The following SPNS2 variants were observed in gnomAD, a reference collection of about 807,000 sequenced individuals.
SPNS2 encodes sphingosine-1-phosphate transporter SPNS2.
In SPNS2, 37 loss-of-function variants were observed where a neutral mutation model predicts 57.6. The ratio of observed to expected loss-of-function variants is 0.64; its 90% CI spans 0.49 to 0.85. SPNS2 has a LOEUF of 0.85. Ranked by LOEUF, SPNS2 falls within the 40% of genes least tolerant of loss-of-function variation. SPNS2 has a pLI of 0.00. For missense variants in SPNS2, 831 were observed against 779.1 expected (o/e 1.07, Z -0.79); for synonymous variants, 440 against 346.9 (o/e 1.27, Z -2.98).
At chr17:4,528,042 G>A (rs1022025380) in intron 3 of SPNS2, among the ~76,000 whole-genome samples, 1 of 150,116 alleles carries the variant, frequency 6.7e-6, no homozygotes. Context: ...TTTTTTTTTA[G>A]ACGGAGTTTC....
At chr17:4,532,940 T>C (rs912555440) in intron 6 of SPNS2, 37 bp from the exon 7 acceptor site, 11 of 1,589,506 alleles carry the variant, frequency 6.9e-6, no homozygotes, top group Admixed American at 3.4e-5. Context: ...GTGAAGGAGG[T>C]CCCTGAGCTC....
Position 4,511,273 on chromosome 17 carries a change from C to T in SPNS2, c.371-1974C>T, listed in dbSNP as rs1042130643. On this transcript the variant is annotated intron_variant, in intron 1 of 12. Coordinates refer to ENST00000329078, the MANE Select transcript of SPNS2 (RefSeq NM_001124758.3). This position sits in a 1 kb window ranked among gnomAD's most constrained non-coding sequence, Gnocchi z 4.6. ...AGCAAGCAGGGGAGATATTCCAGAA[C>T]AGGAGGCATCTGAACTGGCCTTGAA... is the stretch of plus-strand genomic sequence containing the variant. Among the ~76,000 whole-genome samples, 1 of 152,168 alleles carries T rather than the reference C, an allele frequency of 6.6e-6. No individual in the cohort carries two copies. The highest frequency in any genetic ancestry group is 2.4e-5 in the African/African-American group (1 of 41,454).
At chr17:4,522,439 G>T (rs1005615938) in intron 2 of SPNS2, among the ~76,000 whole-genome samples, 1 of 152,110 alleles carries the variant, frequency 6.6e-6, no homozygotes, top group East Asian at 1.9e-4. Context: ...AGGTCTGCTC[G>T]TACACCCACC....
intron 6 of SPNS2, 133 bp downstream of exon 6, chr17:4,532,817 A>G (rs1905554270): frequency 2.1e-6 from 3 of 1,451,864 alleles, no homozygotes; most frequent in Non-Finnish European, 2.8e-6. Context: ...TGGGAGGGAC[A>G]TTTTGGCCCC....
chr17:4,529,324 C>T (rs917168745), intron 3 of SPNS2, among the ~76,000 whole-genome samples: 1 of 152,082 alleles, frequency 6.6e-6, no homozygotes, highest in Non-Finnish European at 1.5e-5. Context: ...AAGCAATCCT[C>T]CTGCCTCAGC....
At chr17:4,528,170 G>T (rs763584459) in intron 3 of SPNS2, among the ~76,000 whole-genome samples, 2 of 151,558 alleles carry the variant, frequency 1.3e-5, no homozygotes, top group Non-Finnish European at 2.9e-5. Context: ...TTACAGGCAC[G>T]CGCCACCACA....
intron 3 of SPNS2, among the ~76,000 whole-genome samples, chr17:4,526,796 A>AG (rs1567593168): frequency 1.3e-5 from 2 of 152,032 alleles, no homozygotes; most frequent in Admixed American, 1.3e-4. Flanking sequence ...GGGACATTGG[A>AG]GGGAGGGCAG....
intron 2 of SPNS2, among the ~76,000 whole-genome samples, chr17:4,520,352 C>A (rs1905108260): frequency 6.6e-6 from 1 of 152,196 alleles, no homozygotes; most frequent in African/African-American, 2.4e-5. Context: ...AGGGCCCGTG[C>A]TTCCTGCTCC....
intron 2 of SPNS2, among the ~76,000 whole-genome samples, chr17:4,524,516 C>G (rs1234418666): frequency 6.6e-6 from 1 of 152,172 alleles, no homozygotes; most frequent in African/African-American, 2.4e-5. Flanking sequence ...AAAACCCCAT[C>G]TCTACTAAAA....
At chr17:4,509,656 T>C (rs1377339529) in intron 1 of SPNS2, among the ~76,000 whole-genome samples, 2 of 152,248 alleles carry the variant, frequency 1.3e-5, no homozygotes, top group Non-Finnish European at 2.9e-5. Context: ...AGAGAGACTG[T>C]TGGCCCAGAG....
intron 3 of SPNS2, among the ~76,000 whole-genome samples, chr17:4,526,388 A>C (rs887939089): frequency 6.6e-6 from 1 of 152,144 alleles, no homozygotes; most frequent in Non-Finnish European, 1.5e-5. Flanking sequence ...GGATCCCCTG[A>C]GGTCAGGAGT....
chr17:4,513,339 C>T (rs779916648), intron 2 of SPNS2, 27 bp downstream of exon 2: 7 of 1,612,476 alleles, frequency 4.3e-6, no homozygotes, highest in African/African-American at 2.7e-5. Flanking sequence ...ACCTTCCCCC[C>T]CACGCCCAGG....
chr17:4,536,349 C>T lies in SPNS2; in HGVS notation c.1530C>T (p.Phe510=), dbSNP rs190884571. 461 of 1,611,086 alleles carry T rather than the reference C, an allele frequency of 2.9e-4. No homozygotes were observed. Among genetic ancestry groups the T allele is most frequent in the Non-Finnish European group, 3.7e-4 (439 of 1,179,940 alleles). The change falls in exon 11 of 13, where the codon TTC becomes TTT. Residue 510 remains phenylalanine (F), a synonymous_variant. Coordinates refer to ENST00000329078, the MANE Select transcript of SPNS2 (RefSeq NM_001124758.3). ...SLGYALMLCP[F]VVVLGGMFFL... is the part of the protein sequence containing the mutation. Reference sequence around the variant, plus strand: ...GCTACGCGCTCATGCTCTGCCCTTTCGTCGTGGTCCTGGGCGGCATGTTCT... The same window carrying T: ...GCTACGCGCTCATGCTCTGCCCTTTTGTCGTGGTCCTGGGCGGCATGTTCT...
In SPNS2 at chr17:4,510,937, C is replaced by A. The variant is rs535240165; in HGVS notation, c.371-2310C>A. Among the ~76,000 whole-genome samples the A allele has an allele frequency of 3.9e-5, 6 of 152,358 alleles. No homozygotes were observed. In the East Asian group the frequency reaches 9.6e-4, roughly 24 times the overall value. On this transcript the variant is annotated intron_variant, in intron 1 of 12. Transcript: ENST00000329078. The surrounding 1 kb of genome is among the most constrained non-coding windows in gnomAD (Gnocchi z 4.4). ...CTCGTTTCAGATCTCACCTCCAAAACAGAATGTACTGTGTGACAAATTACT... is the reference window on the plus strand; with the variant it reads ...CTCGTTTCAGATCTCACCTCCAAAAAAGAATGTACTGTGTGACAAATTACT...
rs72830095 is a variant in SPNS2, at chr17:4,532,260, C to T, written c.793-282C>T. 9.1e-3 allele frequency among the ~76,000 whole-genome samples: 1,387 copies of T among 152,282 alleles called. 13 individuals carry two copies. Among genetic ancestry groups the T allele is most frequent in the Middle Eastern group, 0.02 (6 of 294 alleles). On this transcript the variant is annotated intron_variant, in intron 5 of 12. Transcript: ENST00000329078. ...TTCTCTATCTATCCACCCACTGCTCCACTCACCCACCCCTCCTTCTTCCTT... is the reference window on the plus strand; with the variant it reads ...TTCTCTATCTATCCACCCACTGCTCTACTCACCCACCCCTCCTTCTTCCTT...
chr17:4,499,323 C>T lies in SPNS2; in HGVS notation c.276C>T (p.Pro92=). Residue 92 remains proline, a synonymous_variant, in exon 1 of 13, where the codon CCC becomes CCT. Transcript: ENST00000329078. The surrounding 1 kb of genome is among the most constrained non-coding windows in gnomAD (Gnocchi z 5.2). Reference sequence around the variant, plus strand: ...CAAAGGGCCCCGGCGCTCAGCAGCCCAAACCGGCCAGCTTGGGCCGCGGGC... The same window carrying T: ...CAAAGGGCCCCGGCGCTCAGCAGCCTAAACCGGCCAGCTTGGGCCGCGGGC... The part of the protein sequence containing the change: ...ATAKGPGAQQ[P]KPASLGRGRG... 6.7e-7 allele frequency: 1 copy of T among 1,493,416 alleles called. No individual in the cohort carries two copies. The highest frequency in any genetic ancestry group is 8.9e-7 in the Non-Finnish European group (1 of 1,128,010). The allele number at this position is 1,493,416 out of a possible 1,614,324, so 92.5% of individuals were successfully genotyped here.
At chr17:4,530,565 G>A in intron 3 of SPNS2, 67 bp from the exon 4 acceptor site, 2 of 1,553,052 alleles carry the variant, frequency 1.3e-6, no homozygotes, top group South Asian at 2.4e-5. Context: ...GGAGCAAAGT[G>A]GGAACAAGGG....
intron 9 of SPNS2, chr17:4,534,329 G>C (rs369407413): frequency 1.5e-5 from 3 of 195,124 alleles, no homozygotes; most frequent in African/African-American, 4.6e-5. Context: ...TGTCTTGAGC[G>C]GCCAGCAGGG....
intron 2 of SPNS2, among the ~76,000 whole-genome samples, chr17:4,523,369 C>T (rs373044344): frequency 6.6e-6 from 1 of 152,130 alleles, no homozygotes; most frequent in Non-Finnish European, 1.5e-5. Context: ...ACCTGGGAGG[C>T]GGAGGTTGCA....
Sources: gnomAD v4.1 joint callset for allele counts (sites outside exome capture counted in the v4.1 genomes callset) on GRCh38, gnomAD v4.1.1 for gene constraint, Gnocchi (gnomAD v3.1) non-coding constraint, MANE v1.5 for transcripts, NCBI Gene and HGNC (gene_info 2026-07-23, HGNC 2026-07-21) for gene names.